The following UBA6 variants were observed in gnomAD, a reference collection of about 807,000 sequenced individuals.
The protein encoded by UBA6 is ubiquitin-like modifier-activating enzyme 6.
A neutral mutation model predicts 148.3 loss-of-function variants in UBA6; 87 were observed. That is an observed-to-expected ratio of 0.59 (90% CI 0.49 to 0.70). The LOEUF (loss-of-function observed/expected upper bound fraction) is 0.70, where lower values mean the gene tolerates loss of function less well. UBA6 is among the 30% of genes least tolerant of loss of function. The pLI is 0.00. For synonymous variants in UBA6, 376 were observed against 401.0 expected, an observed-to-expected ratio of 0.94 and a Z score of 0.75; for missense variants, 1,186 against 1,241.2, an observed-to-expected ratio of 0.96 and a Z score of 0.67.
At chr4:67,630,558 CA>C (rs757152962) in intron 25 of UBA6, 23 bp from the exon 26 acceptor site, 218 of 1,513,820 alleles carry the variant, frequency 1.4e-4, no homozygotes, top group Non-Finnish European at 1.9e-4. Context: ...AAAAATAAAG[CA>C]AAATTTGAAT....
At chr4:67,665,082 AT>A (rs2109935053) in intron 10 of UBA6, 106 bp downstream of exon 10, 1 of 604,622 alleles carries the variant, frequency 1.7e-6, no homozygotes, top group Admixed American at 3.5e-5. Flanking sequence ...ATAAAAACAA[AT>A]TCTGTTCCAC....
chr4:67,619,310 G>C (rs1386688741), intron 32 of UBA6, among the ~76,000 whole-genome samples, 178 bp from the exon 33 acceptor site: 1 of 152,132 alleles, frequency 6.6e-6, no homozygotes, highest in Non-Finnish European at 1.5e-5. Flanking sequence ...TTATACTCAA[G>C]ACACTCATTT....
intron 14 of UBA6, 32 bp from the exon 15 acceptor site, chr4:67,646,823 A>G: frequency 5.5e-6 from 8 of 1,462,566 alleles, no homozygotes; most frequent in Non-Finnish European, 7.5e-6. Flanking sequence ...CACAATTATT[A>G]TGTATAAAAC....
chr4:67,639,241 T>C (rs1729245088), intron 18 of UBA6, 117 bp from the exon 19 acceptor site: 1 of 673,848 alleles, frequency 1.5e-6, no homozygotes, highest in Non-Finnish European at 2.3e-6. Flanking sequence ...CATACATATA[T>C]AATGAGAGTA....
intron 2 of UBA6, 90 bp from the exon 3 acceptor site, chr4:67,682,303 C>T: frequency 1.1e-6 from 1 of 902,902 alleles, no homozygotes; most frequent in Non-Finnish European, 1.8e-6. Flanking sequence ...AGCCTAGGAA[C>T]TCAATCCGGC....
chr4:67,634,018 T>C (rs1371541826), intron 22 of UBA6, among the ~76,000 whole-genome samples: 1 of 152,104 alleles, frequency 6.6e-6, no homozygotes, highest in Non-Finnish European at 1.5e-5. Context: ...CCATACGAAT[T>C]GCTGTTTTGT....
chr4:67,682,636 C>A (rs190001507), intron 2 of UBA6, among the ~76,000 whole-genome samples: 4 of 152,250 alleles, frequency 2.6e-5, no homozygotes, highest in Admixed American at 2.6e-4. Flanking sequence ...AAATTTGGTT[C>A]TCTTCTTGGA....
At position 67,615,927 on chromosome 4, in the gene UBA6, A is replaced by T; in HGVS notation, c.*3070T>A. ...CTGGTTGTGACTGGGAAGGAACTACATGTGTAATTTCTGAACTGCTGTCAA... is the reference window on the plus strand; with the variant it reads ...CTGGTTGTGACTGGGAAGGAACTACTTGTGTAATTTCTGAACTGCTGTCAA... On this transcript the variant is annotated 3_prime_UTR_variant, in exon 33 of 33. Coordinates refer to ENST00000322244, the MANE Select transcript of UBA6 (RefSeq NM_018227.6). 2.9e-6 allele frequency: 1 copy of T among 339,568 alleles called. No individual in the cohort carries two copies. Among genetic ancestry groups the T allele is most frequent in the Admixed American group, 4.8e-5 (1 of 20,716 alleles). The allele number at this position is 339,568 out of a possible 1,614,324, so 21.0% of individuals were successfully genotyped here.
chr4:67,696,270 CA>C (rs1403463665), intron 2 of UBA6, among the ~76,000 whole-genome samples: 1 of 152,022 alleles, frequency 6.6e-6, no homozygotes, highest in Non-Finnish European at 1.5e-5. Context: ...GCAAGGGCAG[CA>C]AAATCCTTCT....
At chr4:67,645,140 A>G (rs904989115) in intron 16 of UBA6, among the ~76,000 whole-genome samples, 2 of 152,210 alleles carry the variant, frequency 1.3e-5, no homozygotes, top group African/African-American at 4.8e-5. Context: ...ATATGCATGT[A>G]AAAAGCTCAG....
rs150661002 is a variant in UBA6 at position 67,673,620 on chromosome 4, T to A, written c.546+77A>T. ...TGTAAAAAGTTTCTTATATAACCCA[T>A]CAATGAGTTAAAAATTCTACTAGTG... is the stretch of plus-strand genomic sequence containing the variant. On this transcript the variant is annotated intron_variant, in intron 7 of 32. Coordinates refer to ENST00000322244, the MANE Select transcript of UBA6 (RefSeq NM_018227.6). 2.4e-4 allele frequency: 209 copies of A among 878,970 alleles called. 1 individual carries two copies. The East Asian group carries it at 5.2e-3, about 22-fold the overall frequency. The allele number at this position is 878,970 out of a possible 1,614,324, so 54.4% of individuals were successfully genotyped here. A position where few individuals can be genotyped will look rare whatever the true frequency, so the allele number is the denominator to read the frequency against.
chr4:67,634,581 A>C, intron 20 of UBA6, 63 bp from the exon 21 acceptor site: 6 of 1,248,086 alleles, frequency 4.8e-6, no homozygotes, highest in Non-Finnish European at 6.6e-6. Flanking sequence ...TTATTGATTT[A>C]ATCTAGTTTT....
chr4:67,636,842 C>A (rs568754728), intron 19 of UBA6, among the ~76,000 whole-genome samples: 190 of 152,218 alleles, frequency 1.2e-3, no homozygotes, highest in African/African-American at 3.9e-3. Flanking sequence ...AGCGTCTCTG[C>A]CTGGCCGCCC....
chr4:67,697,187 T>G (rs1453220468), intron 1 of UBA6, among the ~76,000 whole-genome samples: 1 of 152,170 alleles, frequency 6.6e-6, no homozygotes, highest in African/African-American at 2.4e-5. Context: ...GTAATTTTAG[T>G]AGAGATGGGG....
At position 67,615,988 on chromosome 4, in the gene UBA6, G is replaced by T. The variant is rs2109887865; in HGVS notation, c.*3009C>A. 2.7e-6 allele frequency: 1 copy of T among 371,026 alleles called. No individual in the cohort carries two copies. Among genetic ancestry groups the T allele is most frequent in the South Asian group, 1.4e-4 (1 of 7,184 alleles). The allele number at this position is 371,026 out of a possible 1,614,324, so 23.0% of individuals were successfully genotyped here. A position where few individuals can be genotyped will look rare whatever the true frequency, so the allele number is the denominator to read the frequency against. Reference sequence around the variant, plus strand: ...TAAGCTGAGTGCTAGTTATATAGTTGCTTTAAAATTATTCCTTGAACTGCA... The same window carrying T: ...TAAGCTGAGTGCTAGTTATATAGTTTCTTTAAAATTATTCCTTGAACTGCA... On this transcript the variant is annotated 3_prime_UTR_variant, in exon 33 of 33. Coordinates refer to ENST00000322244, the MANE Select transcript of UBA6 (RefSeq NM_018227.6).
At chr4:67,668,414 C>T in intron 9 of UBA6, 137 bp downstream of exon 9, 1 of 746,292 alleles carries the variant, frequency 1.3e-6, no homozygotes, top group Non-Finnish European at 2.2e-6. Context: ...ACAATGTCTT[C>T]ACTTGGATCG....
chr4:67,673,644 T>C, intron 7 of UBA6, 53 bp downstream of exon 7: 1 of 1,260,754 alleles, frequency 7.9e-7, no homozygotes, highest in Non-Finnish European at 1.1e-6. Context: ...ATTCTACTAG[T>C]GAAAGTGTTC....
chr4:67,640,294 A>G (rs1281895014), intron 18 of UBA6, among the ~76,000 whole-genome samples: 10 of 152,250 alleles, frequency 6.6e-5, no homozygotes, highest in Non-Finnish European at 1.0e-4. Context: ...ACTTTGCAAC[A>G]TATTTTAGTT....
chr4:67,690,764 C>A lies in UBA6; in HGVS notation c.134+5881G>T, dbSNP rs1034474028. Reference sequence around the variant, plus strand: ...GATCACCTCACACCTGTATGGATGACCATTATAAAACAAAACAAAACAAAA... The same window carrying A: ...GATCACCTCACACCTGTATGGATGAACATTATAAAACAAAACAAAACAAAA... On this transcript the variant is annotated intron_variant, in intron 2 of 32. Transcript: ENST00000322244. 6.7e-5 allele frequency among the ~76,000 whole-genome samples: 10 copies of A among 148,782 alleles called. No individual in the cohort carries two copies. The Admixed American group carries it at 6.8e-4, about 10-fold the overall frequency.
Sources: allele counts gnomAD v4.1 joint callset (sites outside exome capture counted in the v4.1 genomes callset), GRCh38; gene constraint gnomAD v4.1.1; transcripts MANE v1.5; gene names NCBI Gene and HGNC (gene_info 2026-07-23, HGNC 2026-07-21).